The following PGAP1 variants were observed in gnomAD, a reference collection of about 807,000 sequenced individuals.
PGAP1 encodes post-GPI attachment to proteins inositol deacylase 1.
Under a neutral mutation model 127.0 loss-of-function variants are expected in PGAP1, and 76 were observed. The observed-to-expected ratio is 0.60, with a 90% CI of 0.50 to 0.72. PGAP1 has a LOEUF of 0.72. PGAP1 is among the 30% of genes least tolerant of loss of function. PGAP1 has a pLI of 0.00. For synonymous variants in PGAP1, 362 were observed against 366.5 expected, an observed-to-expected ratio of 0.99 and a Z score of 0.14; for missense variants, 982 against 1,071.3, an observed-to-expected ratio of 0.92 and a Z score of 1.16.
rs1390165491 is a variant in PGAP1, at chr2:196,902,665, C to T, written c.727G>A (p.Gly243Arg). 1.2e-6 allele frequency: 2 copies of T among 1,613,178 alleles called. No individual in the cohort carries two copies. Among genetic ancestry groups the T allele is most frequent in the South Asian group, 1.1e-5 (1 of 91,026 alleles). The change falls in exon 5 of 27, where the codon GGA becomes AGA. Residue 243 changes from glycine to arginine, a missense_variant. By Grantham distance (125) the Gly-to-Arg change is moderately radical. Transcript: ENST00000354764. ...GAACGAACTTGGTAATCCCGGAATC[C>T]TCCAGCTACAGAAAGTGTGGTTAAA... is the stretch of plus-strand genomic sequence containing the variant. The part of the protein sequence containing the change: ...INLTTLSVAG[G>R]FRDYQVRSGL...
rs1024316941 is a variant in PGAP1, at chr2:196,902,810, C to T, written c.650-68G>A. 27 of 1,164,026 alleles carry T rather than the reference C, an allele frequency of 2.3e-5. No individual in the cohort carries two copies. In the African/African-American group the frequency reaches 3.9e-4, roughly 17 times the overall value. The allele number at this position is 1,164,026 out of a possible 1,614,324, so 72.1% of individuals were successfully genotyped here. A position where few individuals can be genotyped will look rare whatever the true frequency, so the allele number is the denominator to read the frequency against. ...TCCCTGAAACAATAAGATATCTATA[C>T]AGTAATATTAATATGTAACTGAATT... On this transcript the variant is annotated intron_variant, in intron 4 of 26. Coordinates refer to ENST00000354764, the MANE Select transcript of PGAP1 (RefSeq NM_024989.4).
At chr2:196,885,004 T>C (rs2125811693) in intron 12 of PGAP1, among the ~76,000 whole-genome samples, 1 of 152,286 alleles carries the variant, frequency 6.6e-6, no homozygotes, top group South Asian at 2.1e-4. Flanking sequence ...ATTTGAGTGC[T>C]TGACCATGTA....
intron 20 of PGAP1, among the ~76,000 whole-genome samples, chr2:196,853,111 A>C (rs919127886): frequency 6.6e-6 from 1 of 152,236 alleles, no homozygotes; most frequent in African/African-American, 2.4e-5. Flanking sequence ...TTTAACTCTG[A>C]AATCTGTTTC....
intron 19 of PGAP1, among the ~76,000 whole-genome samples, chr2:196,867,494 AGGG>A (rs1331216010): frequency 6.6e-6 from 1 of 152,140 alleles, no homozygotes; most frequent in African/African-American, 2.4e-5. Context: ...CGGCTAAGGG[AGGG>A]ATAGCTTTAG....
intron 20 of PGAP1, among the ~76,000 whole-genome samples, chr2:196,850,859 T>TGCA (rs911658842): frequency 2.6e-5 from 4 of 152,008 alleles, no homozygotes; most frequent in Non-Finnish European, 4.4e-5. Context: ...GAACGATTCT[T>TGCA]GCAGCAGCAG....
At chr2:196,905,411 G>C (rs1385662136) in intron 4 of PGAP1, among the ~76,000 whole-genome samples, 1 of 152,128 alleles carries the variant, frequency 6.6e-6, no homozygotes, top group Non-Finnish European at 1.5e-5. Flanking sequence ...TACAAGCAAA[G>C]TTTTAAATGT....
intron 19 of PGAP1, among the ~76,000 whole-genome samples, chr2:196,865,540 T>A (rs748350653): frequency 3.3e-5 from 5 of 152,168 alleles, no homozygotes; most frequent in Non-Finnish European, 7.4e-5. Flanking sequence ...TATGTCTTTA[T>A]CAGTAAATGG....
rs768328398 is a variant in PGAP1 at position 196,844,025 on chromosome 2, G to A, written c.2388C>T (p.Asp796=). The change falls in exon 25 of 27, where the codon GAC becomes GAT. Residue 796 remains aspartate, a synonymous_variant. Transcript: ENST00000354764. ...ATAAACGAAGATGGTGTATTGAGGA[G>A]TCTTTATGATGATTGGATTTCTTTT... The part of the protein sequence containing the change: ...RSEKKSNHHK[D]SSIHHLRLSA... The A allele has an allele frequency of 9.4e-6, 15 of 1,602,192 alleles. No individual in the cohort carries two copies. Among genetic ancestry groups the A allele is most frequent in the Non-Finnish European group, 1.3e-5 (15 of 1,172,392 alleles).
At chr2:196,903,971 T>A (rs1702593139) in intron 4 of PGAP1, among the ~76,000 whole-genome samples, 1 of 152,214 alleles carries the variant, frequency 6.6e-6, no homozygotes, top group East Asian at 1.9e-4. Flanking sequence ...CAGTACTTAC[T>A]TAGATTACCA....
At chr2:196,892,655 T>C (rs900847437) in intron 8 of PGAP1, among the ~76,000 whole-genome samples, 4 of 152,074 alleles carry the variant, frequency 2.6e-5, no homozygotes, top group Admixed American at 2.6e-4. Context: ...AGGAAATAAA[T>C]ATTTCATTTC....
chr2:196,845,766 A>T, intron 23 of PGAP1, 116 bp downstream of exon 23: 1 of 723,140 alleles, frequency 1.4e-6, no homozygotes. Context: ...CCCGTTATGT[A>T]ACAGAGGGTT....
Position 196,870,977 on chromosome 2 carries a change from C to G in PGAP1, c.1731G>C (p.Val577=). ...TTTGTGAAAAGGAAGTCTTAACTGT[C>G]ACCTAGTTTAAAACAATTATTGAAA... ...MYTSSDCRYE[V]TVKTSFSQIL... The change falls in exon 19 of 27, where the codon GTG becomes GTC. Residue 577 remains valine, a splice_region_variant and synonymous_variant. Transcript: ENST00000354764. 3 of 1,602,596 alleles carry G rather than the reference C, an allele frequency of 1.9e-6. No homozygotes were observed. Among genetic ancestry groups the G allele is most frequent in the Non-Finnish European group, 2.6e-6 (3 of 1,170,856 alleles).
At chr2:196,844,183 C>A in intron 24 of PGAP1, 108 bp from the exon 25 acceptor site, 2 of 638,906 alleles carry the variant, frequency 3.1e-6, no homozygotes, top group East Asian at 3.2e-5. Context: ...TTTCCATTAC[C>A]AAACTGACAT....
intron 5 of PGAP1, 92 bp from the exon 6 acceptor site, chr2:196,898,461 A>G: frequency 1.2e-6 from 1 of 822,070 alleles, no homozygotes. Context: ...TTAGAAACAC[A>G]TAATATAGTT....
In PGAP1 at chr2:196,858,139, C is replaced by T. The variant is rs190950495; in HGVS notation, c.1861+6848G>A. 4.2e-3 allele frequency among the ~76,000 whole-genome samples: 645 copies of T among 152,058 alleles called. 8 individuals are homozygous for T. Among genetic ancestry groups the T allele is most frequent in the African/African-American group, 0.014 (600 of 41,470 alleles). ...ACTCCTGGCTGGGTGTGGTGGCTCA[C>T]GCCTGTAATCCCAGCACTTTGGGAG... On this transcript the variant is annotated intron_variant, in intron 20 of 26. Transcript: ENST00000354764.
At chr2:196,878,149 C>T (rs1701621764) in intron 13 of PGAP1, among the ~76,000 whole-genome samples, 2 of 152,020 alleles carry the variant, frequency 1.3e-5, no homozygotes, top group African/African-American at 4.8e-5. Flanking sequence ...TCCCACTTCC[C>T]TAGTACAAGC....
intron 3 of PGAP1, among the ~76,000 whole-genome samples, chr2:196,913,596 A>G (rs974224609): frequency 6.6e-6 from 1 of 152,206 alleles, no homozygotes; most frequent in Non-Finnish European, 1.5e-5. Flanking sequence ...TATTTTTTAG[A>G]TAAGTGCTTT....
chr2:196,905,111 T>C (rs1702650820), intron 4 of PGAP1, among the ~76,000 whole-genome samples: 1 of 152,158 alleles, frequency 6.6e-6, no homozygotes, highest in African/African-American at 2.4e-5. Context: ...GCCTGAGCCT[T>C]ATAGAGACAG....
chr2:196,857,041 G>C (rs1408147460), intron 20 of PGAP1, among the ~76,000 whole-genome samples: 1 of 152,070 alleles, frequency 6.6e-6, no homozygotes, highest in African/African-American at 2.4e-5. Context: ...TGAAGTCCTT[G>C]CCAGAGCAAT....
Sources: gnomAD v4.1 joint callset for allele counts (sites outside exome capture counted in the v4.1 genomes callset) on GRCh38, gnomAD v4.1.1 for gene constraint, MANE v1.5 for transcripts, NCBI Gene and HGNC (gene_info 2026-07-23, HGNC 2026-07-21) for gene names.